STARD13: variants seen among roughly 807,000 people sequenced by gnomAD.
The protein encoded by STARD13 is StAR related lipid transfer domain containing 13, also known as stAR-related lipid transfer protein 13.
In STARD13, 62 loss-of-function variants were observed where a neutral mutation model predicts 106.4. That is an observed-to-expected ratio of 0.58 (90% CI 0.48 to 0.72). STARD13 has a LOEUF of 0.72. STARD13 is among the 30% of genes least tolerant of loss of function. The pLI is 0.00. For missense variants in STARD13, 1,387 were observed against 1,424.0 expected, an observed-to-expected ratio of 0.97 and a Z score of 0.42; for synonymous variants, 565 against 553.0, an observed-to-expected ratio of 1.02 and a Z score of -0.31.
chr13:33,666,905 A>G, the STARD13 span, among the ~76,000 whole-genome samples: 10 of 152,176 alleles, frequency 6.6e-5, no homozygotes, highest in East Asian at 1.9e-3. Flanking sequence ...ATGTATTATT[A>G]ACCACATATA....
the STARD13 span, among the ~76,000 whole-genome samples, chr13:33,358,889 T>C: frequency 6.6e-6 from 1 of 152,132 alleles, no homozygotes; most frequent in Admixed American, 6.5e-5. Flanking sequence ...CAATCGACAC[T>C]CTGTATCTAG....
the STARD13 span, among the ~76,000 whole-genome samples, chr13:33,640,394 G>T: frequency 6.6e-6 from 1 of 152,162 alleles, no homozygotes; most frequent in East Asian, 1.9e-4. Flanking sequence ...GTAAATGAGG[G>T]TGTTAATGTA....
intron 1 of STARD13, among the ~76,000 whole-genome samples, chr13:33,180,134 A>G (rs1885088836): frequency 6.6e-6 from 1 of 152,258 alleles, no homozygotes; most frequent in Non-Finnish European, 1.5e-5. Context: ...CATGCTTCAC[A>G]CAATGCAGTG....
At chr13:33,233,021 A>C (rs1333258794) in intron 1 of STARD13, among the ~76,000 whole-genome samples, 1 of 152,250 alleles carries the variant, frequency 6.6e-6, no homozygotes, top group African/African-American at 2.4e-5. Flanking sequence ...TGAGAACAGC[A>C]AGACCTAGAC....
At chr13:33,654,619 T>C in the STARD13 span, 3 of 152,194 alleles carry the variant, frequency 2.0e-5, no homozygotes, top group African/African-American at 7.2e-5. Flanking sequence ...TTTTATAGAA[T>C]GTGAATCACA....
the STARD13 span, among the ~76,000 whole-genome samples, chr13:33,430,110 G>A: frequency 6.6e-6 from 1 of 152,092 alleles, no homozygotes; most frequent in Non-Finnish European, 1.5e-5. Flanking sequence ...GTAGAGACGG[G>A]GTTTCACCAT....
chr13:33,163,707 T>TAAAACATATATATATATAACATATATAA (rs1566038882), intron 3 of STARD13, among the ~76,000 whole-genome samples: 1 of 123,874 alleles, frequency 8.1e-6, no homozygotes, highest in Non-Finnish European at 1.6e-5. Flanking sequence ...AACATATATA[T>TAAAACATATATATATATAACATATATAA]AAAACATATA....
chr13:33,159,286 T>C (rs1057253024), intron 3 of STARD13, among the ~76,000 whole-genome samples: 9 of 152,214 alleles, frequency 5.9e-5, no homozygotes, highest in African/African-American at 2.2e-4. Flanking sequence ...TTTATATCTC[T>C]GAATGATTTC....
At chr13:33,181,382 A>C (rs1381761789) in intron 1 of STARD13, among the ~76,000 whole-genome samples, 1 of 152,060 alleles carries the variant, frequency 6.6e-6, no homozygotes, top group Non-Finnish European at 1.5e-5. Context: ...TATCCTCTTA[A>C]ATTTTGACAT....
chr13:33,401,836 TA>T, the STARD13 span, among the ~76,000 whole-genome samples: 1 of 152,256 alleles, frequency 6.6e-6, no homozygotes, highest in South Asian at 2.1e-4. Context: ...CATGCTCTTA[TA>T]TTTTTTCCCA....
At chr13:33,490,550 A>C in the STARD13 span, among the ~76,000 whole-genome samples, 13 of 152,134 alleles carry the variant, frequency 8.5e-5, no homozygotes, top group African/African-American at 3.1e-4. Flanking sequence ...GGGGTGGTGC[A>C]AGAGGAGTTT....
intron 8 of STARD13, among the ~76,000 whole-genome samples, chr13:33,114,494 T>C (rs948361582): frequency 2.0e-5 from 3 of 152,202 alleles, no homozygotes; most frequent in Admixed American, 1.3e-4. Context: ...ATACCTGGGG[T>C]TTACAGAGAA....
the STARD13 span, among the ~76,000 whole-genome samples, chr13:33,620,061 GA>G: frequency 3.4e-5 from 5 of 149,064 alleles, no homozygotes; most frequent in East Asian, 2.0e-4. Flanking sequence ...CTGTCTCAAA[GA>G]AAAAAAAAGA....
chr13:33,380,962 C>G, the STARD13 span, among the ~76,000 whole-genome samples: 1 of 152,090 alleles, frequency 6.6e-6, no homozygotes, highest in Non-Finnish European at 1.5e-5. Context: ...TCTTACAGGC[C>G]TGGCCCAGAA....
intron 1 of STARD13, among the ~76,000 whole-genome samples, chr13:33,236,634 T>C (rs1156581308): frequency 6.6e-6 from 1 of 152,156 alleles, no homozygotes; most frequent in African/African-American, 2.4e-5. Context: ...GGAAAGTGCA[T>C]CTATGTGGAT....
At chr13:33,447,291 G>A in the STARD13 span, among the ~76,000 whole-genome samples, 3 of 152,206 alleles carry the variant, frequency 2.0e-5, no homozygotes, top group African/African-American at 7.2e-5. Flanking sequence ...ATCCAAAACA[G>A]GTTCTTCCAC....
intron 1 of STARD13, among the ~76,000 whole-genome samples, chr13:33,204,381 T>C (rs1887262849): frequency 6.6e-6 from 1 of 152,222 alleles, no homozygotes; most frequent in South Asian, 2.1e-4. Flanking sequence ...CTCTGTCTAC[T>C]GATATTTCCT....
chr13:33,416,647 A>G, the STARD13 span, among the ~76,000 whole-genome samples: 1 of 152,194 alleles, frequency 6.6e-6, no homozygotes, highest in African/African-American at 2.4e-5. Flanking sequence ...TCACACGCAA[A>G]AGATTAGTCA....
At chr13:33,306,853 G>A (rs184450827) in intron 1 of STARD13, among the ~76,000 whole-genome samples, 10 of 152,266 alleles carry the variant, frequency 6.6e-5, no homozygotes, top group African/African-American at 2.4e-4. Context: ...GGGAGGCTGA[G>A]GCAGGAGAAT....
Sources: allele counts gnomAD v4.1 joint callset (sites outside exome capture counted in the v4.1 genomes callset), GRCh38; gene constraint gnomAD v4.1.1; transcripts MANE v1.5; gene names NCBI Gene and HGNC (gene_info 2026-07-23, HGNC 2026-07-21).